The following P4HA1 variants were observed in gnomAD, a reference collection of about 807,000 sequenced individuals.
P4HA1 encodes the protein prolyl 4-hydroxylase subunit alpha-1.
In P4HA1, 24 loss-of-function variants were observed where a neutral mutation model predicts 72.8. That is an observed-to-expected ratio of 0.33 (90% confidence interval 0.24 to 0.46). P4HA1 has a LOEUF of 0.46. Ranked by LOEUF, P4HA1 falls within the 20% of genes least tolerant of loss-of-function variation. P4HA1 has a pLI of 1.00. For missense variants in P4HA1, 446 were observed against 640.6 expected (o/e 0.70, Z 3.28); for synonymous variants, 201 against 218.8 (o/e 0.92, Z 0.72).
chr10:73,075,147 G>A (rs549727734), intron 1 of P4HA1, among the ~76,000 whole-genome samples: 7 of 151,964 alleles, frequency 4.6e-5, no homozygotes, highest in East Asian at 3.9e-4. Context: ...AGTCTCTGTC[G>A]CCCAGGCTGG....
intron 9 of P4HA1, among the ~76,000 whole-genome samples, chr10:73,030,826 GAA>G: frequency 6.6e-6 from 1 of 152,242 alleles, no homozygotes; most frequent in South Asian, 2.1e-4. Flanking sequence ...CTTAAGTTTT[GAA>G]AAGTTACCCA....
At chr10:73,045,257 T>C (rs1840829460) in intron 8 of P4HA1, among the ~76,000 whole-genome samples, 2 of 151,592 alleles carry the variant, frequency 1.3e-5, no homozygotes, top group Admixed American at 6.6e-5. Flanking sequence ...AATTTTTTGT[T>C]TTGCATAGAT....
At chr10:73,050,918 A>C (rs1298098584) in intron 7 of P4HA1, 135 bp downstream of exon 7, 6 of 743,512 alleles carry the variant, frequency 8.1e-6, no homozygotes, top group Non-Finnish European at 1.1e-5. Context: ...AAGCTGACAT[A>C]CTGTAATATT....
chr10:73,050,028 T>C (rs1840980467), intron 7 of P4HA1, among the ~76,000 whole-genome samples: 1 of 152,012 alleles, frequency 6.6e-6, no homozygotes, highest in Admixed American at 6.6e-5. Context: ...TAGCCGGGCA[T>C]GGTGGCGAAT....
chr10:73,086,782 A>C (rs1268323856), intron 1 of P4HA1, among the ~76,000 whole-genome samples: 16 of 151,938 alleles, frequency 1.1e-4, no homozygotes. Flanking sequence ...AAAATACAAA[A>C]ATTAGCCAGG....
chr10:73,016,296 C>T (rs1426157409), intron 11 of P4HA1, among the ~76,000 whole-genome samples: 2 of 152,088 alleles, frequency 1.3e-5, no homozygotes, highest in Non-Finnish European at 1.5e-5. Context: ...CTACTAACAC[C>T]CACCCTTGCT....
intron 10 of P4HA1, among the ~76,000 whole-genome samples, chr10:73,027,834 A>G (rs1840323528): frequency 8.3e-6 from 1 of 120,126 alleles, no homozygotes; most frequent in African/African-American, 3.2e-5. Flanking sequence ...GAGAGAGAGG[A>G]AGGAAGGGAG....
At chr10:73,062,760 C>T (rs528934000) in intron 5 of P4HA1, among the ~76,000 whole-genome samples, 3 of 152,256 alleles carry the variant, frequency 2.0e-5, no homozygotes, top group South Asian at 2.1e-4. Context: ...ACAGAAAAGG[C>T]ATTTATGAGA....
intron 9 of P4HA1, among the ~76,000 whole-genome samples, chr10:73,042,382 A>C (rs1840756245): frequency 6.6e-6 from 1 of 152,332 alleles, no homozygotes; most frequent in East Asian, 1.9e-4. Context: ...GACAGCAGTA[A>C]TCTTCAAAAT....
chr10:73,018,177 C>T (rs1361911823), intron 10 of P4HA1, among the ~76,000 whole-genome samples: 1 of 152,176 alleles, frequency 6.6e-6, no homozygotes, highest in Non-Finnish European at 1.5e-5. Context: ...GCCATGTACT[C>T]CCTCCCAAGA....
At chr10:73,064,899 C>T (rs775367530) in intron 5 of P4HA1, among the ~76,000 whole-genome samples, 4 of 151,840 alleles carry the variant, frequency 2.6e-5, no homozygotes, top group Non-Finnish European at 5.9e-5. Flanking sequence ...AGACATCATC[C>T]GTTAAACTGA....
At chr10:73,028,273 C>T (rs1033278968) in intron 10 of P4HA1, among the ~76,000 whole-genome samples, 2 of 149,876 alleles carry the variant, frequency 1.3e-5, no homozygotes, top group South Asian at 2.1e-4. Context: ...CTGACAAAGA[C>T]GGAGTAGGAT....
intron 13 of P4HA1, among the ~76,000 whole-genome samples, chr10:73,010,579 T>C (rs1839893037): frequency 6.6e-6 from 1 of 152,122 alleles, no homozygotes; most frequent in African/African-American, 2.4e-5. Context: ...CCTTTAAAAA[T>C]GTAATTTGGT....
intron 1 of P4HA1, among the ~76,000 whole-genome samples, chr10:73,076,360 GTTTT>G (rs553512800): frequency 7.4e-6 from 1 of 136,014 alleles, no homozygotes; most frequent in Non-Finnish European, 1.6e-5. Flanking sequence ...CACTGTGCCT[GTTTT>G]TTTTTTTTTT....
intron 1 of P4HA1, among the ~76,000 whole-genome samples, chr10:73,077,529 A>C (rs76591520): frequency 0.051 from 7,749 of 152,314 alleles, 607 homozygotes; most frequent in African/African-American, 0.17. Flanking sequence ...TAAAAATTCA[A>C]AACAATCGTA....
chr10:73,037,566 TATA>T (rs1343283956), intron 9 of P4HA1, among the ~76,000 whole-genome samples: 86 of 30,008 alleles, frequency 2.9e-3, no homozygotes, highest in Admixed American at 4.9e-3. Context: ...TATATATATA[TATA>T]TATTTTTTTT....
chr10:73,009,437 T>A (rs1321668185), intron 14 of P4HA1, among the ~76,000 whole-genome samples: 2 of 152,184 alleles, frequency 1.3e-5, no homozygotes, highest in Non-Finnish European at 2.9e-5. Context: ...GAAAAAGCTT[T>A]GAAGAAGACT....
At chr10:73,094,405 G>A (rs1325839140) in intron 1 of P4HA1, among the ~76,000 whole-genome samples, 1 of 152,220 alleles carries the variant, frequency 6.6e-6, no homozygotes, top group African/African-American at 2.4e-5. Context: ...GAGTGGGGGG[G>A]CAGGAAGTGA....
At chr10:73,044,787 A>G (rs1254450970) in intron 9 of P4HA1, among the ~76,000 whole-genome samples, 194 bp downstream of exon 9, 1 of 152,232 alleles carries the variant, frequency 6.6e-6, no homozygotes, top group African/African-American at 2.4e-5. Flanking sequence ...TTAAAGGTTA[A>G]AAACAGAACT....
Sources: gnomAD v4.1 joint callset for allele counts (sites outside exome capture counted in the v4.1 genomes callset) on GRCh38, gnomAD v4.1.1 for gene constraint, MANE v1.5 for transcripts, NCBI Gene and HGNC (gene_info 2026-07-23, HGNC 2026-07-21) for gene names.